Variants in DNM3 observed in about 807,000 individuals in gnomAD.
The protein encoded by DNM3 is dynamin 3, also known as dynamin-3.
Under a neutral mutation model 101.6 loss-of-function variants are expected in DNM3, and 47 were observed. The observed-to-expected ratio is 0.46, with a 90% CI of 0.37 to 0.59. DNM3 has a LOEUF of 0.59. DNM3 is among the 20% of genes least tolerant of loss of function. The probability of loss-of-function intolerance (pLI) is 0.00; values close to 1 mark genes in which losing one functional copy is unlikely to be tolerated. For missense variants in DNM3, 849 were observed against 1,085.7 expected (o/e 0.78, Z 3.06); for synonymous variants, 385 against 387.9 (o/e 0.99, Z 0.09).
intron 2 of DNM3, among the ~76,000 whole-genome samples, chr1:171,936,933 A>G (rs538718346): frequency 3.5e-5 from 1 of 28,386 alleles, no homozygotes; most frequent in South Asian, 1.3e-3. Context: ...GCCTTAGAGC[A>G]CTGTGAGTCT....
At chr1:172,102,567 G>A (rs2054725195) in intron 13 of DNM3, among the ~76,000 whole-genome samples, 1 of 152,112 alleles carries the variant, frequency 6.6e-6, no homozygotes, top group African/African-American at 2.4e-5. Flanking sequence ...AACCAGTGAA[G>A]AGATTATCTT....
At chr1:172,202,107 A>C (rs2060175849) in intron 14 of DNM3, among the ~76,000 whole-genome samples, 1 of 151,944 alleles carries the variant, frequency 6.6e-6, no homozygotes, top group Non-Finnish European at 1.5e-5. Flanking sequence ...GTTTCAGTTG[A>C]AGTTGTTGTA....
chr1:172,383,558 A>G (rs2069033160), intron 18 of DNM3, among the ~76,000 whole-genome samples: 1 of 152,170 alleles, frequency 6.6e-6, no homozygotes, highest in Non-Finnish European at 1.5e-5. Context: ...TGACCCTCCA[A>G]TTCTAGAAAC....
At chr1:172,146,869 A>G (rs1198435940) in intron 14 of DNM3, among the ~76,000 whole-genome samples, 1 of 152,106 alleles carries the variant, frequency 6.6e-6, no homozygotes, top group East Asian at 1.9e-4. Flanking sequence ...CTGCACCATG[A>G]TTTCACCTTA....
chr1:172,135,284 T>C (rs1321020494), intron 14 of DNM3, among the ~76,000 whole-genome samples: 2 of 152,138 alleles, frequency 1.3e-5, no homozygotes, highest in Admixed American at 1.3e-4. Context: ...GACATAGCAC[T>C]GATAGGAGAC....
intron 10 of DNM3, among the ~76,000 whole-genome samples, chr1:172,057,602 T>G (rs1285713555): frequency 6.6e-6 from 1 of 152,044 alleles, no homozygotes. Context: ...CTAAGCTTCA[T>G]AAATGAAGGA....
intron 15 of DNM3, among the ~76,000 whole-genome samples, chr1:172,273,786 G>A (rs868824418): frequency 1.1e-4 from 16 of 152,140 alleles, no homozygotes; most frequent in Middle Eastern, 3.4e-3. Context: ...TTATGACAAT[G>A]GTTTTGATCT....
At chr1:172,082,337 T>C (rs984586733) in intron 12 of DNM3, among the ~76,000 whole-genome samples, 3 of 152,170 alleles carry the variant, frequency 2.0e-5, no homozygotes, top group Non-Finnish European at 4.4e-5. Flanking sequence ...TTTTTTTTTT[T>C]TTTTAAACTT....
intron 2 of DNM3, among the ~76,000 whole-genome samples, chr1:171,939,486 C>T (rs2041673946): frequency 6.6e-6 from 1 of 152,166 alleles, no homozygotes; most frequent in African/African-American, 2.4e-5. Context: ...TTATACTTCT[C>T]TGAACTTAGT....
intron 1 of DNM3, among the ~76,000 whole-genome samples, chr1:171,876,031 G>T (rs1053292084): frequency 1.3e-5 from 2 of 151,886 alleles, no homozygotes; most frequent in South Asian, 4.2e-4. Context: ...GGATGGTCTC[G>T]ATCTCTTGAC....
intron 4 of DNM3, among the ~76,000 whole-genome samples, chr1:172,015,473 G>A (rs1049297599): frequency 1.3e-5 from 2 of 151,874 alleles, no homozygotes; most frequent in Admixed American, 6.6e-5. Context: ...TTCCTCATAC[G>A]GATCTTGCAT....
chr1:172,127,365 C>T (rs1397922568), intron 13 of DNM3, among the ~76,000 whole-genome samples: 2 of 149,262 alleles, frequency 1.3e-5, no homozygotes, highest in Admixed American at 6.8e-5. Context: ...TTTATTGTAT[C>T]GCCAATCTCT....
intron 2 of DNM3, among the ~76,000 whole-genome samples, chr1:171,965,081 A>G (rs886330901): frequency 6.6e-6 from 1 of 152,098 alleles, no homozygotes; most frequent in Non-Finnish European, 1.5e-5. Flanking sequence ...CCCGAGTTCA[A>G]ATGCCAATCT....
At chr1:172,181,411 CACAT>C (rs908195490) in intron 14 of DNM3, among the ~76,000 whole-genome samples, 8 of 136,864 alleles carry the variant, frequency 5.8e-5, no homozygotes, top group African/African-American at 2.0e-4. Context: ...CACACACACA[CACAT>C]ATTTCTGGTA....
intron 4 of DNM3, among the ~76,000 whole-genome samples, chr1:172,006,946 A>G (rs985231781): frequency 1.3e-5 from 2 of 152,122 alleles, no homozygotes; most frequent in Admixed American, 1.3e-4. Context: ...TCTGCTCAGC[A>G]TAATGTTTTT....
intron 2 of DNM3, among the ~76,000 whole-genome samples, chr1:171,924,982 C>T (rs977796136): frequency 3.3e-5 from 5 of 151,616 alleles, no homozygotes; most frequent in African/African-American, 9.7e-5. Flanking sequence ...TCGCTGCAAC[C>T]TCTGCCTCCT....
At chr1:172,022,853 A>G (rs1310320274) in intron 4 of DNM3, among the ~76,000 whole-genome samples, 1 of 152,050 alleles carries the variant, frequency 6.6e-6, no homozygotes, top group Non-Finnish European at 1.5e-5. Flanking sequence ...ATACTCACAC[A>G]CTCACATATG....
intron 15 of DNM3, among the ~76,000 whole-genome samples, chr1:172,291,923 T>C (rs1475573105): frequency 6.6e-6 from 1 of 152,150 alleles, no homozygotes; most frequent in Non-Finnish European, 1.5e-5. Context: ...GAATATATTT[T>C]TTGCCAGAAT....
chr1:171,903,176 A>G (rs1172236538), intron 1 of DNM3, among the ~76,000 whole-genome samples: 1 of 152,022 alleles, frequency 6.6e-6, no homozygotes, highest in African/African-American at 2.4e-5. Flanking sequence ...ATAAATAAAT[A>G]AATAAAAATA....
Sources: allele counts gnomAD v4.1 joint callset (sites outside exome capture counted in the v4.1 genomes callset), GRCh38; gene constraint gnomAD v4.1.1; transcripts MANE v1.5; gene names NCBI Gene and HGNC (gene_info 2026-07-23, HGNC 2026-07-21).